Variants in KPNA4 observed in about 807,000 individuals in gnomAD.
KPNA4 encodes the protein importin subunit alpha-3.
A neutral mutation model predicts 71.3 loss-of-function variants in KPNA4; 13 were observed. The ratio of observed to expected loss-of-function variants is 0.18; its 90% confidence interval spans 0.12 to 0.29. The LOEUF (loss-of-function observed/expected upper bound fraction) is 0.29, where lower values mean the gene tolerates loss of function less well. Ranked by LOEUF, KPNA4 falls within the 10% of genes least tolerant of loss-of-function variation. The probability of loss-of-function intolerance (pLI) is 1.00; values close to 1 mark genes in which losing one functional copy is unlikely to be tolerated. For synonymous variants in KPNA4, 189 were observed against 195.2 expected, an observed-to-expected ratio of 0.97 and a Z score of 0.26; for missense variants, 334 against 603.2, an observed-to-expected ratio of 0.55 and a Z score of 4.67.
chr3:160,534,974 G>A (rs1007736474), intron 5 of KPNA4, among the ~76,000 whole-genome samples: 12 of 151,660 alleles, frequency 7.9e-5, no homozygotes, highest in African/African-American at 2.9e-4. Flanking sequence ...CGCCCACCTC[G>A]GCCTCCCAAA....
chr3:160,503,420 A>G (rs987901666), intron 16 of KPNA4, among the ~76,000 whole-genome samples: 3 of 152,210 alleles, frequency 2.0e-5, no homozygotes, highest in African/African-American at 7.2e-5. Flanking sequence ...AGTGGTAGAA[A>G]TAATTCAAAT....
chr3:160,507,224 C>T (rs745731558), intron 15 of KPNA4, among the ~76,000 whole-genome samples: 19 of 152,070 alleles, frequency 1.2e-4, no homozygotes, highest in Non-Finnish European at 1.9e-4. Context: ...GGAGGTCGGG[C>T]GCAGTTGCTC....
At chr3:160,505,115 A>G (rs2108542584) in intron 15 of KPNA4, 63 bp from the exon 16 acceptor site, 1 of 845,162 alleles carries the variant, frequency 1.2e-6, no homozygotes, top group Non-Finnish European at 1.7e-6. Flanking sequence ...AAGTTAGAAT[A>G]ATCTTTGGAA....
In KPNA4 at chr3:160,512,700, C is replaced by T. The variant is rs1391563457; in HGVS notation, c.1137+1377G>A. 2.0e-5 allele frequency among the ~76,000 whole-genome samples: 3 copies of T among 152,088 alleles called. No individual in the cohort carries two copies. In the East Asian group the frequency reaches 5.8e-4, roughly 29 times the overall value. On this transcript the variant is annotated intron_variant, in intron 13 of 16. Coordinates refer to ENST00000334256, the MANE Select transcript of KPNA4 (RefSeq NM_002268.5). ...TACAAAAATTAGCTGGGTGTAGTGGCGTGCGCCTATAGTCCCAGCTACTTG... is the reference window on the plus strand; with the variant it reads ...TACAAAAATTAGCTGGGTGTAGTGGTGTGCGCCTATAGTCCCAGCTACTTG...
rs535751790 is a variant in KPNA4, at chr3:160,518,868, C to A, written c.903+2911G>T. ...AGAGCAAGACTCTCACACACACACA[C>A]AAAAAAAGTAAATCAACTAATCATA... is the stretch of plus-strand genomic sequence containing the variant. On this transcript the variant is annotated intron_variant, in intron 11 of 16. Transcript: ENST00000334256. Among the ~76,000 whole-genome samples the A allele has an allele frequency of 4.6e-3, 702 of 151,924 alleles. 8 individuals are homozygous for A. The highest frequency in any genetic ancestry group is 0.016 in the African/African-American group (673 of 41,454).
chr3:160,521,938 A>C (rs1336090302), intron 10 of KPNA4, 28 bp from the exon 11 acceptor site: 6 of 1,572,782 alleles, frequency 3.8e-6, no homozygotes, highest in Non-Finnish European at 5.2e-6. Flanking sequence ...AATTCAAACA[A>C]CTTTTAAATA....
At chr3:160,523,651 C>T (rs1721402431) in intron 10 of KPNA4, among the ~76,000 whole-genome samples, 1 of 152,080 alleles carries the variant, frequency 6.6e-6, no homozygotes, top group Admixed American at 6.5e-5. Flanking sequence ...AGTTCAAGAC[C>T]AGCCTGGCCA....
At chr3:160,507,594 G>A (rs1033181157) in intron 15 of KPNA4, among the ~76,000 whole-genome samples, 1 of 151,086 alleles carries the variant, frequency 6.6e-6, no homozygotes, top group Non-Finnish European at 1.5e-5. Flanking sequence ...GTGTGATTCA[G>A]CAACACTGAA....
chr3:160,499,842 A>G lies in KPNA4; in HGVS notation c.*2262T>C, dbSNP rs1024757292. 6.6e-6 allele frequency: 1 copy of G among 152,144 alleles called. No homozygotes were observed. The highest frequency in any genetic ancestry group is 1.5e-5 in the Non-Finnish European group (1 of 67,994). The allele number at this position is 152,144 out of a possible 1,614,324, so 9.4% of individuals were successfully genotyped here. On this transcript the variant is annotated 3_prime_UTR_variant, in exon 17 of 17. Coordinates refer to ENST00000334256, the MANE Select transcript of KPNA4 (RefSeq NM_002268.5). ...TGAAACCTTCTGTACTATGCTTTGT[A>G]TACAATCCATCATTTGGAGCTATAT... is the stretch of plus-strand genomic sequence containing the variant.
intron 11 of KPNA4, 36 bp from the exon 12 acceptor site, chr3:160,515,616 TCC>T: frequency 6.4e-7 from 1 of 1,572,340 alleles, no homozygotes; most frequent in South Asian, 1.2e-5. Context: ...CTATGTGAAA[TCC>T]TTTTTTTTTT....
chr3:160,511,716 A>T (rs1012922458), intron 13 of KPNA4, among the ~76,000 whole-genome samples: 6 of 148,506 alleles, frequency 4.0e-5, no homozygotes, highest in Non-Finnish European at 7.5e-5. Context: ...TGTTATTTTT[A>T]TATATATATA....
In KPNA4 at chr3:160,516,442, TAAA is replaced by T. The variant is rs112115015; in HGVS notation, c.904-865_904-863del. ...AGAAGGATAATTTTAGATAGTGCCA[TAAA>T]AAAAAAAAAGACAGAACTTTAGATT... On this transcript the variant is annotated intron_variant, in intron 11 of 16. Transcript: ENST00000334256. Among the ~76,000 whole-genome samples, 7 of 145,476 alleles carry T rather than the reference TAAA, an allele frequency of 4.8e-5. No homozygotes were observed. The East Asian group carries it at 1.5e-3, about 30-fold the overall frequency.
At chr3:160,549,146 A>G (rs1721988271) in intron 1 of KPNA4, among the ~76,000 whole-genome samples, 1 of 152,078 alleles carries the variant, frequency 6.6e-6, no homozygotes, top group African/African-American at 2.4e-5. Context: ...GGTTTTTGCT[A>G]TTGTTGAGTT....
At chr3:160,562,271 G>A (rs1264165607) in intron 1 of KPNA4, among the ~76,000 whole-genome samples, 3 of 152,170 alleles carry the variant, frequency 2.0e-5, no homozygotes, top group South Asian at 4.1e-4. Flanking sequence ...AATATGAAAC[G>A]TCTCAATTAT....
chr3:160,562,134 A>G (rs1722256582), intron 1 of KPNA4, among the ~76,000 whole-genome samples: 1 of 152,150 alleles, frequency 6.6e-6, no homozygotes, highest in African/African-American at 2.4e-5. Context: ...TACTCTGTAC[A>G]TGGGCTGTTC....
intron 9 of KPNA4, 24 bp from the exon 10 acceptor site, chr3:160,525,868 TA>T: frequency 1.3e-6 from 2 of 1,539,272 alleles, no homozygotes; most frequent in East Asian, 2.3e-5. Flanking sequence ...TATGTAGATT[TA>T]AAAACATACA....
In KPNA4 at chr3:160,552,224, A is replaced by G. The variant is rs547454178; in HGVS notation, c.69+12990T>C. 1.2e-4 allele frequency among the ~76,000 whole-genome samples: 18 copies of G among 152,324 alleles called. No homozygotes were observed. In the South Asian group the frequency reaches 3.5e-3, roughly 30 times the overall value. ...GGAAGATTATTTTTATTTTTCCAAA[A>G]AGTGTTTTTACAATGATCATGCATT... On this transcript the variant is annotated intron_variant, in intron 1 of 16. Coordinates refer to ENST00000334256, the MANE Select transcript of KPNA4 (RefSeq NM_002268.5).
intron 11 of KPNA4, among the ~76,000 whole-genome samples, chr3:160,519,172 G>A (rs1721293220): frequency 6.6e-6 from 1 of 152,128 alleles, no homozygotes; most frequent in East Asian, 1.9e-4. Flanking sequence ...TGGGAAGCAC[G>A]GTCATCCTAA....
rs1445765509 is a variant in KPNA4, at chr3:160,565,392, G to A, written c.-110C>T. ...GGCCGCCGCCTGAGCTGCTGTGCCC[G>A]CCGCGCCGCCGCTTCCTTCCTCCTC... On this transcript the variant is annotated 5_prime_UTR_variant, in exon 1 of 17. Coordinates refer to ENST00000334256, the MANE Select transcript of KPNA4 (RefSeq NM_002268.5). 34 of 825,926 alleles carry A rather than the reference G, an allele frequency of 4.1e-5. No individual in the cohort carries two copies. The highest frequency in any genetic ancestry group is 5.6e-5 in the Non-Finnish European group (29 of 519,998). 51.2% of individuals were successfully genotyped at this position (825,926 alleles called of 1,614,324 possible).
Sources: gnomAD v4.1 joint callset for allele counts (sites outside exome capture counted in the v4.1 genomes callset) on GRCh38, gnomAD v4.1.1 for gene constraint, MANE v1.5 for transcripts, NCBI Gene and HGNC (gene_info 2026-07-23, HGNC 2026-07-21) for gene names.